The following SLC25A12 variants were observed in gnomAD, a reference collection of about 807,000 sequenced individuals.
SLC25A12 encodes solute carrier family 25 member 12, also known as electrogenic aspartate/glutamate antiporter SLC25A12, mitochondrial.
A neutral mutation model predicts 83.3 loss-of-function variants in SLC25A12; 32 were observed. The ratio of observed to expected loss-of-function variants is 0.38; its 90% CI spans 0.29 to 0.52. The LOEUF is 0.52. SLC25A12 is among the 20% of genes least tolerant of loss of function. SLC25A12 has a pLI of 0.84. For synonymous variants in SLC25A12, 267 were observed against 291.1 expected (o/e 0.92, Z 0.84); for missense variants, 611 against 835.6 (o/e 0.73, Z 3.31).
chr2:171,846,847 C>T (rs1684807176), intron 4 of SLC25A12, among the ~76,000 whole-genome samples: 1 of 152,076 alleles, frequency 6.6e-6, no homozygotes, highest in Non-Finnish European at 1.5e-5. Flanking sequence ...TATTTATGAA[C>T]TAAATTTATA....
intron 4 of SLC25A12, among the ~76,000 whole-genome samples, chr2:171,849,054 G>A (rs1684856967): frequency 6.6e-6 from 1 of 152,130 alleles, no homozygotes; most frequent in Non-Finnish European, 1.5e-5. Flanking sequence ...AGTTGGGCGT[G>A]GTGGCACATG....
chr2:171,884,213 C>G (rs976225756), intron 2 of SLC25A12, among the ~76,000 whole-genome samples: 2 of 149,238 alleles, frequency 1.3e-5, no homozygotes, highest in Non-Finnish European at 3.0e-5. Context: ...CCCCCCGAGA[C>G]TGAGTCTTCC....
chr2:171,824,929 A>G (rs962585320), intron 9 of SLC25A12, among the ~76,000 whole-genome samples: 1 of 151,838 alleles, frequency 6.6e-6, no homozygotes. Context: ...TCAGCCTCCC[A>G]AGTAGCTAGG....
chr2:171,836,758 G>A (rs1168932235), intron 6 of SLC25A12, among the ~76,000 whole-genome samples: 2 of 152,068 alleles, frequency 1.3e-5, no homozygotes, highest in African/African-American at 4.8e-5. Flanking sequence ...ACTGCCCACT[G>A]GAAAAAGTAA....
At chr2:171,815,015 G>A (rs949348625) in intron 10 of SLC25A12, 106 bp downstream of exon 10, 21 of 897,750 alleles carry the variant, frequency 2.3e-5, no homozygotes, top group African/African-American at 1.1e-4. Flanking sequence ...CCCTGAAGTC[G>A]TGACCCATGG....
At chr2:171,860,822 C>G (rs958003486) in intron 3 of SLC25A12, among the ~76,000 whole-genome samples, 2 of 152,086 alleles carry the variant, frequency 1.3e-5, no homozygotes, top group African/African-American at 2.4e-5. Flanking sequence ...TGGCTCACGC[C>G]TGTAATCCCA....
At chr2:171,824,932 T>C (rs1159499881) in intron 9 of SLC25A12, among the ~76,000 whole-genome samples, 2 of 152,104 alleles carry the variant, frequency 1.3e-5, no homozygotes, top group African/African-American at 2.4e-5. Flanking sequence ...GCCTCCCAAG[T>C]AGCTAGGACT....
At chr2:171,847,842 C>T (rs1573979415) in intron 4 of SLC25A12, among the ~76,000 whole-genome samples, 2 of 152,074 alleles carry the variant, frequency 1.3e-5, no homozygotes, top group African/African-American at 4.8e-5. Flanking sequence ...GGGCTAAATA[C>T]AAAAGTAGCC....
chr2:171,878,938 C>A (rs1367107091), intron 2 of SLC25A12, among the ~76,000 whole-genome samples: 1 of 152,166 alleles, frequency 6.6e-6, no homozygotes, highest in South Asian at 2.1e-4. Context: ...CACAAGCACT[C>A]TACATAAGGA....
chr2:171,881,709 T>C (rs1685699227), intron 2 of SLC25A12, among the ~76,000 whole-genome samples: 1 of 152,204 alleles, frequency 6.6e-6, no homozygotes, highest in African/African-American at 2.4e-5. Flanking sequence ...CTATGAGTCC[T>C]TTAAAAACAG....
At chr2:171,874,240 T>A (rs933218788) in intron 2 of SLC25A12, among the ~76,000 whole-genome samples, 2 of 144,492 alleles carry the variant, frequency 1.4e-5, no homozygotes, top group African/African-American at 2.6e-5. Flanking sequence ...AAAATAATAA[T>A]AATTAGTTGG....
At chr2:171,790,711 A>C (rs902045344) in intron 15 of SLC25A12, among the ~76,000 whole-genome samples, 1 of 151,616 alleles carries the variant, frequency 6.6e-6, no homozygotes, top group South Asian at 2.1e-4. Flanking sequence ...ATAAAAGACA[A>C]ATTTTTTTTT....
chr2:171,796,644 AT>A (rs879827483), intron 13 of SLC25A12, among the ~76,000 whole-genome samples: 92 of 146,918 alleles, frequency 6.3e-4, no homozygotes, highest in Non-Finnish European at 6.8e-4. Flanking sequence ...ATCTCTTAAA[AT>A]TTTTTTTTTT....
chr2:171,867,609 A>G (rs528810710), intron 3 of SLC25A12, among the ~76,000 whole-genome samples: 1 of 152,204 alleles, frequency 6.6e-6, no homozygotes, highest in Non-Finnish European at 1.5e-5. Context: ...GAGGGAGACC[A>G]TGGAAAGAGA....
intron 9 of SLC25A12, among the ~76,000 whole-genome samples, chr2:171,826,551 G>C (rs1289842736): frequency 1.3e-4 from 20 of 152,174 alleles, no homozygotes; most frequent in Admixed American, 1.3e-3. Context: ...AGAGGTTGCA[G>C]TAAGCCGAGA....
intron 9 of SLC25A12, among the ~76,000 whole-genome samples, chr2:171,819,200 TA>T (rs1224419082): frequency 7.9e-6 from 1 of 125,986 alleles, no homozygotes. Context: ...TATTATATAT[TA>T]ATATATAATA....
chr2:171,787,012 T>C (rs972406062), intron 17 of SLC25A12, among the ~76,000 whole-genome samples: 1 of 152,216 alleles, frequency 6.6e-6, no homozygotes, highest in African/African-American at 2.4e-5. Context: ...TTTGCTTATG[T>C]GAAAAAAGAC....
intron 2 of SLC25A12, among the ~76,000 whole-genome samples, chr2:171,876,551 G>A (rs928266015): frequency 2.1e-5 from 3 of 140,482 alleles, no homozygotes; most frequent in African/African-American, 7.7e-5. Flanking sequence ...TTTGGGGGGG[G>A]GGGGACTCAA....
chr2:171,792,628 AC>A (rs1321849266), intron 14 of SLC25A12, among the ~76,000 whole-genome samples: 9 of 151,420 alleles, frequency 5.9e-5, no homozygotes, highest in African/African-American at 2.2e-4. Flanking sequence ...ACAAACTCAA[AC>A]ATTGAAAAAA....
Sources: allele counts gnomAD v4.1 joint callset (sites outside exome capture counted in the v4.1 genomes callset), GRCh38; gene constraint gnomAD v4.1.1; transcripts MANE v1.5; gene names NCBI Gene and HGNC (gene_info 2026-07-23, HGNC 2026-07-21).